FTO: variants seen among roughly 807,000 people sequenced by gnomAD.
FTO encodes the protein FTO alpha-ketoglutarate dependent dioxygenase.
FTO carries 47 observed loss-of-function variants against 63.9 expected under a neutral mutation model. That is an observed-to-expected ratio of 0.74 (90% confidence interval 0.58 to 0.94). The LOEUF (loss-of-function observed/expected upper bound fraction) is 0.94. Among genes scored for constraint, FTO ranks in the 40% least tolerant of loss-of-function variants. The pLI, the probability that FTO is intolerant of heterozygous loss-of-function variation, is 0.00. For synonymous variants in FTO, 207 were observed against 224.4 expected (o/e 0.92, Z 0.69); for missense variants, 562 against 618.1 (o/e 0.91, Z 0.96).
chr16:54,057,266 A>T (rs1171651819), intron 8 of FTO, among the ~76,000 whole-genome samples: 1 of 152,102 alleles, frequency 6.6e-6, no homozygotes, highest in African/African-American at 2.4e-5. Flanking sequence ...TGCTACATTG[A>T]CTCCTTATGG....
intron 8 of FTO, among the ~76,000 whole-genome samples, chr16:53,988,109 A>G (rs2143874040): frequency 6.6e-6 from 1 of 152,340 alleles, no homozygotes; most frequent in African/African-American, 2.4e-5. Context: ...TGCTAATGAG[A>G]CACAAAATTT....
rs147493771 is a variant in FTO, at chr16:54,014,085, C to T, written c.1364+79976C>T. Among the ~76,000 whole-genome samples the T allele has an allele frequency of 1.5e-4, 23 of 152,226 alleles. No individual in the cohort carries two copies. The East Asian group carries it at 3.9e-3, about 26-fold the overall frequency. On this transcript the variant is annotated intron_variant, in intron 8 of 8. Transcript: ENST00000471389. Reference sequence around the variant, plus strand: ...TCTCATGAGTATTTTACAGGAAATGCGTTTTCCTTTGCTAGTGATATATGC... The same window carrying T: ...TCTCATGAGTATTTTACAGGAAATGTGTTTTCCTTTGCTAGTGATATATGC...
At position 53,814,246 on chromosome 16, in the gene FTO, A is replaced by G. The variant is rs1253065713; in HGVS notation, c.123+4029A>G. ...AGAACTTCTGTTAGCTCATCATGGAACACAAGGAAACGAGGAATTACATAG... is the reference window on the plus strand; with the variant it reads ...AGAACTTCTGTTAGCTCATCATGGAGCACAAGGAAACGAGGAATTACATAG... On this transcript the variant is annotated intron_variant, in intron 2 of 8. Coordinates refer to ENST00000471389, the MANE Select transcript of FTO (RefSeq NM_001080432.3). 2.0e-5 allele frequency among the ~76,000 whole-genome samples: 3 copies of G among 152,322 alleles called. No homozygotes were observed. In the East Asian group the frequency reaches 5.8e-4, roughly 29 times the overall value.
At chr16:54,088,145 C>T (rs1273651296) in intron 8 of FTO, among the ~76,000 whole-genome samples, 3 of 152,188 alleles carry the variant, frequency 2.0e-5, no homozygotes, top group African/African-American at 4.8e-5. Flanking sequence ...TCCAAATATT[C>T]TTCTATGCAT....
At chr16:53,883,300 G>A (rs1281659122) in intron 6 of FTO, among the ~76,000 whole-genome samples, 1 of 152,142 alleles carries the variant, frequency 6.6e-6, no homozygotes. Context: ...ATCACACTGT[G>A]TATATAACAG....
intron 8 of FTO, among the ~76,000 whole-genome samples, chr16:53,962,597 A>C (rs2083107109): frequency 6.6e-6 from 1 of 152,204 alleles, no homozygotes; most frequent in South Asian, 2.1e-4. Flanking sequence ...ACAGATAATG[A>C]TGCGTCCTGC....
intron 1 of FTO, among the ~76,000 whole-genome samples, chr16:53,734,261 G>T (rs74018193): frequency 0.018 from 2,749 of 151,986 alleles, 41 homozygotes; most frequent in Middle Eastern, 0.075. Flanking sequence ...CTATTATTTG[G>T]TTTTTTTTAT....
intron 6 of FTO, among the ~76,000 whole-genome samples, chr16:53,884,891 A>G (rs919234336): frequency 6.6e-6 from 1 of 152,142 alleles, no homozygotes; most frequent in African/African-American, 2.4e-5. Flanking sequence ...TTTCCCTGCT[A>G]TTGAGGTCTT....
At chr16:53,803,374 G>T (rs969613556) in intron 1 of FTO, among the ~76,000 whole-genome samples, 11 of 152,070 alleles carry the variant, frequency 7.2e-5, no homozygotes, top group Admixed American at 5.2e-4. Flanking sequence ...GTATGTTGTA[G>T]TGTTGGCTCC....
chr16:53,931,519 G>A (rs914484703), intron 7 of FTO, among the ~76,000 whole-genome samples: 4 of 151,968 alleles, frequency 2.6e-5, no homozygotes, highest in African/African-American at 9.6e-5. Flanking sequence ...TGTTGGCCAG[G>A]CTGGTCTTGA....
chr16:53,984,978 T>A, intron 8 of FTO: 1 of 456,560 alleles, frequency 2.2e-6, no homozygotes, highest in South Asian at 1.5e-5. Flanking sequence ...TTACATTGTG[T>A]CCTCAGCTGC....
At chr16:53,972,313 A>G (rs1228299275) in intron 8 of FTO, among the ~76,000 whole-genome samples, 3 of 152,102 alleles carry the variant, frequency 2.0e-5, no homozygotes, top group Non-Finnish European at 4.4e-5. Flanking sequence ...AAGTATTTTC[A>G]ATACGTGTGT....
At chr16:53,958,772 A>G (rs956702096) in intron 8 of FTO, among the ~76,000 whole-genome samples, 1 of 152,192 alleles carries the variant, frequency 6.6e-6, no homozygotes, top group Non-Finnish European at 1.5e-5. Context: ...GCACAACCCC[A>G]AATAAATACT....
intron 8 of FTO, 24 bp downstream of exon 8, chr16:53,934,133 TTTGTTG>T: frequency 6.2e-7 from 1 of 1,613,734 alleles, no homozygotes; most frequent in South Asian, 1.1e-5. Context: ...TGAAATGGGA[TTTGTTG>T]TTCTTGACAA....
intron 8 of FTO, among the ~76,000 whole-genome samples, chr16:54,049,218 C>T (rs552200942): frequency 2.5e-4 from 38 of 152,322 alleles, no homozygotes; most frequent in African/African-American, 8.4e-4. Flanking sequence ...GCCTTAATTA[C>T]GCACTTAACT....
intron 1 of FTO, among the ~76,000 whole-genome samples, chr16:53,739,821 G>C (rs1386027512): frequency 2.6e-5 from 4 of 151,904 alleles, no homozygotes; most frequent in Non-Finnish European, 4.4e-5. Flanking sequence ...TGATTACTCT[G>C]AGGATGCCTA....
intron 8 of FTO, chr16:53,993,871 A>G (rs1333425699): frequency 1.3e-5 from 2 of 152,226 alleles, no homozygotes; most frequent in Non-Finnish European, 2.9e-5. Flanking sequence ...TTTACGGGAT[A>G]TATCCCTAAC....
intron 8 of FTO, among the ~76,000 whole-genome samples, chr16:53,942,366 A>T (rs1290832266): frequency 6.6e-6 from 1 of 152,186 alleles, no homozygotes; most frequent in South Asian, 2.1e-4. Context: ...ACACCATGGG[A>T]CTGGGCTAAG....
chr16:53,986,313 C>T (rs950619777), intron 8 of FTO, among the ~76,000 whole-genome samples: 7 of 152,110 alleles, frequency 4.6e-5, no homozygotes, highest in African/African-American at 1.2e-4. Flanking sequence ...TAAACAGGTT[C>T]GAGTTTTTCC....
Sources: allele counts gnomAD v4.1 joint callset (sites outside exome capture counted in the v4.1 genomes callset), GRCh38; gene constraint gnomAD v4.1.1; transcripts MANE v1.5; gene names NCBI Gene and HGNC (gene_info 2026-07-23, HGNC 2026-07-21).